LSG1: variants seen among roughly 807,000 people sequenced by gnomAD.
LSG1 encodes the protein large 60S subunit nuclear export GTPase 1.
Under a neutral mutation model 82.6 loss-of-function variants are expected in LSG1, and 55 were observed. The ratio of observed to expected loss-of-function variants is 0.67; its 90% confidence interval spans 0.54 to 0.83. The LOEUF (loss-of-function observed/expected upper bound fraction) is 0.83, where lower values mean the gene tolerates loss of function less well. LSG1 is among the 40% of genes least tolerant of loss of function. The pLI, the probability that LSG1 is intolerant of heterozygous loss-of-function variation, is 0.00. For missense variants in LSG1, 809 were observed against 807.9 expected (o/e 1.00, Z -0.02); for synonymous variants, 272 against 282.5 (o/e 0.96, Z 0.37).
rs139763477 is a variant in LSG1 at position 194,665,631 on chromosome 3, T to C, written c.447A>G (p.Glu149=). 430 of 1,611,198 alleles carry C rather than the reference T, an allele frequency of 2.7e-4. 2 individuals carry two copies. The highest frequency in any genetic ancestry group is 4.9e-4 in the Middle Eastern group (3 of 6,080). The change falls in exon 5 of 14, where the codon GAA becomes GAG. Residue 149 remains glutamate (E), a synonymous_variant. Transcript: ENST00000265245. The part of the protein sequence containing the change: ...WRRQLVRLEE[E]QKLILTPFER... Reference sequence around the variant, plus strand: ...CAAATGGAGTCAATATCAGCTTCTGTTCCTCTTCTAGCCTAGTTTTTGAAT... The same window carrying C: ...CAAATGGAGTCAATATCAGCTTCTGCTCCTCTTCTAGCCTAGTTTTTGAAT...
At chr3:194,659,934 C>T (rs2108619840) in intron 6 of LSG1, 139 bp downstream of exon 6, 1 of 683,126 alleles carries the variant, frequency 1.5e-6, no homozygotes, top group East Asian at 2.7e-5. Flanking sequence ...CTGCAAGCTC[C>T]TGGCCTTGGA....
intron 12 of LSG1, chr3:194,645,531 G>GACACACACACAC (rs1718511520): frequency 8.5e-5 from 3 of 35,118 alleles, no homozygotes; most frequent in African/African-American, 1.4e-4. Context: ...CACACACACA[G>GACACACACACAC]ACAGACACAC....
intron 12 of LSG1, chr3:194,645,535 G>GACACACACACACACACACAC (rs61447438): frequency 2.9e-5 from 1 of 34,962 alleles, no homozygotes; most frequent in African/African-American, 9.6e-5. Flanking sequence ...CACACAGACA[G>GACACACACACACACACACAC]ACACACACAC....
chr3:194,646,339 CTCTTGGATTT>C, intron 11 of LSG1, 96 bp from the exon 12 acceptor site: 1 of 881,220 alleles, frequency 1.1e-6, no homozygotes, highest in African/African-American at 1.7e-5. Flanking sequence ...AGCATTCTTA[CTCTTGGATTT>C]TAAAAAATTA....
chr3:194,653,014 T>G lies in LSG1; in HGVS notation c.888A>C (p.Glu296Asp), dbSNP rs1275920577. 6.2e-7 allele frequency: 1 copy of G among 1,614,100 alleles called. No homozygotes were observed. The highest frequency in any genetic ancestry group is 1.3e-5 in the African/African-American group (1 of 74,926). ...TGTCATCTTCATCCGTTGTGGGATT[T>G]TCACTAAGTGAAGGAGAATCCCTAG... ...LPARDSPSLSENPTTDEDDSE... is the reference protein window; with the variant it reads ...LPARDSPSLSDNPTTDEDDSE... Residue 296 changes from glutamate (E) to aspartate (D), a missense_variant, in exon 8 of 14, where the codon GAA becomes GAC. By Grantham distance (45) the Glu-to-Asp change is conservative (BLOSUM62 2). Coordinates refer to ENST00000265245, the MANE Select transcript of LSG1 (RefSeq NM_018385.3).
rs892000285 is a variant in LSG1 at position 194,656,892 on chromosome 3, G to A, written c.759+2065C>T. On this transcript the variant is annotated intron_variant, in intron 7 of 13. Coordinates refer to ENST00000265245, the MANE Select transcript of LSG1 (RefSeq NM_018385.3). Reference sequence around the variant, plus strand: ...AAACCATCATTCTCAGCAAACTATTGCAAGGACAAAAAACCAAACACCGCA... The same window carrying A: ...AAACCATCATTCTCAGCAAACTATTACAAGGACAAAAAACCAAACACCGCA... Among the ~76,000 whole-genome samples, 381 of 152,078 alleles carry A rather than the reference G, an allele frequency of 2.5e-3. 1 individual carries two copies. The highest frequency in any genetic ancestry group is 8.6e-3 in the African/African-American group (355 of 41,474).
intron 7 of LSG1, 64 bp from the exon 8 acceptor site, chr3:194,653,206 T>A: frequency 6.7e-7 from 1 of 1,494,084 alleles, no homozygotes. Flanking sequence ...TAAAAATACT[T>A]AATGAGTTGT....
rs1190001976 is a variant in LSG1, at chr3:194,669,992, A to G, written c.226+17T>C. 6.2e-6 allele frequency: 10 copies of G among 1,612,554 alleles called. No homozygotes were observed. Among genetic ancestry groups the G allele is most frequent in the Non-Finnish European group, 8.5e-6 (10 of 1,179,214 alleles). On this transcript the variant is annotated intron_variant, in intron 2 of 13. Transcript: ENST00000265245. ...AAATGTGACAGTCTCACCTGCACTC[A>G]GCAATAAACAACTTACCAGCTACAA... is the stretch of plus-strand genomic sequence containing the variant.
At chr3:194,647,787 C>A (rs1164429486) in intron 11 of LSG1, among the ~76,000 whole-genome samples, 1 of 152,214 alleles carries the variant, frequency 6.6e-6, no homozygotes, top group Non-Finnish European at 1.5e-5. Context: ...TGGGTCAGCT[C>A]AGGCTCTGAG....
At chr3:194,667,166 T>C (rs771872768) in intron 2 of LSG1, among the ~76,000 whole-genome samples, 2 of 152,048 alleles carry the variant, frequency 1.3e-5, no homozygotes, top group African/African-American at 2.4e-5. Context: ...TTCTCCCAAC[T>C]CAGCCTCCTG....
At chr3:194,656,930 T>C (rs1008521821) in intron 7 of LSG1, among the ~76,000 whole-genome samples, 7 of 151,498 alleles carry the variant, frequency 4.6e-5, no homozygotes, top group South Asian at 4.2e-4. Context: ...TTCTCACTCA[T>C]AGGTGGGAAT....
At chr3:194,660,686 C>T (rs1474289073) in intron 5 of LSG1, 1 of 302,446 alleles carries the variant, frequency 3.3e-6, no homozygotes, top group East Asian at 8.0e-5. Context: ...AACAATCATC[C>T]ACCAATTCCA....
chr3:194,653,178 C>G (rs746850127), intron 7 of LSG1, 36 bp from the exon 8 acceptor site: 2 of 1,574,694 alleles, frequency 1.3e-6, no homozygotes, highest in East Asian at 2.2e-5. Context: ...AAGTATATAA[C>G]TGCAGTTTCC....
At chr3:194,667,341 GC>G (rs1719050713) in intron 2 of LSG1, among the ~76,000 whole-genome samples, 1 of 151,986 alleles carries the variant, frequency 6.6e-6, no homozygotes, top group African/African-American at 2.4e-5. Flanking sequence ...ATGAGCCACC[GC>G]ACCCAGCCTG....
intron 10 of LSG1, among the ~76,000 whole-genome samples, chr3:194,650,258 T>TC (rs956435975): frequency 6.6e-6 from 1 of 152,202 alleles, no homozygotes; most frequent in African/African-American, 2.4e-5. Flanking sequence ...GAGTCTTTTT[T>TC]CCATGCTGGG....
At chr3:194,653,862 G>A (rs568266928) in intron 7 of LSG1, among the ~76,000 whole-genome samples, 3 of 152,270 alleles carry the variant, frequency 2.0e-5, no homozygotes, top group African/African-American at 7.2e-5. Flanking sequence ...CAGCAAGACT[G>A]GGTGTCTACA....
At position 194,642,000 on chromosome 3, in the gene LSG1, A is replaced by G; in HGVS notation, c.*68T>C. ...TGCTAGTGTCTTGGGACGGTTCCAC[A>G]GGCAACAGGCAGCTTCTGCTCTTTT... On this transcript the variant is annotated 3_prime_UTR_variant, in exon 14 of 14. Coordinates refer to ENST00000265245, the MANE Select transcript of LSG1 (RefSeq NM_018385.3). The G allele has an allele frequency of 1.3e-6, 2 of 1,538,830 alleles. No homozygotes were observed. Among genetic ancestry groups the G allele is most frequent in the Non-Finnish European group, 1.8e-6 (2 of 1,130,836 alleles).
At chr3:194,667,945 ATATATATAT>A (rs1560229909) in intron 2 of LSG1, among the ~76,000 whole-genome samples, 24 of 73,146 alleles carry the variant, frequency 3.3e-4, no homozygotes, top group African/African-American at 1.4e-3. Context: ...AAAAAAAAAT[ATATATATAT>A]ATATATATAT....
At chr3:194,669,698 C>T (rs886513260) in intron 2 of LSG1, among the ~76,000 whole-genome samples, 7 of 152,152 alleles carry the variant, frequency 4.6e-5, no homozygotes, top group African/African-American at 1.4e-4. Flanking sequence ...CTTTGGGAGG[C>T]CAAGGAAGGC....
Sources: gnomAD v4.1 joint callset for allele counts (sites outside exome capture counted in the v4.1 genomes callset) on GRCh38, gnomAD v4.1.1 for gene constraint, MANE v1.5 for transcripts, NCBI Gene and HGNC (gene_info 2026-07-23, HGNC 2026-07-21) for gene names.